NKAIN2: variants seen among roughly 807,000 people sequenced by gnomAD.
The protein encoded by NKAIN2 is sodium/potassium-transporting ATPase subunit beta-1-interacting protein 2.
In NKAIN2, 14 loss-of-function variants were observed where a neutral mutation model predicts 32.6. That is an observed-to-expected ratio of 0.43 (90% confidence interval 0.28 to 0.67). NKAIN2 has a LOEUF of 0.67. Among genes scored for constraint, NKAIN2 ranks in the 30% least tolerant of loss-of-function variants. The pLI, the probability that NKAIN2 is intolerant of heterozygous loss-of-function variation, is 0.17. For synonymous variants in NKAIN2, 80 were observed against 87.2 expected (o/e 0.92, Z 0.46); for missense variants, 198 against 258.3 (o/e 0.77, Z 1.60).
chr6:124,249,344 A>G (rs1793577022), intron 1 of NKAIN2, among the ~76,000 whole-genome samples: 2 of 152,094 alleles, frequency 1.3e-5, no homozygotes, highest in South Asian at 4.1e-4. Flanking sequence ...ATCAAAGGAT[A>G]TCTTTGGTAC....
chr6:124,620,022 G>C (rs1357415362), intron 3 of NKAIN2, among the ~76,000 whole-genome samples: 1 of 152,084 alleles, frequency 6.6e-6, no homozygotes, highest in African/African-American at 2.4e-5. Flanking sequence ...TGTTAAATTA[G>C]TAAATTATGT....
intron 3 of NKAIN2, among the ~76,000 whole-genome samples, chr6:124,425,779 G>T (rs1302581662): frequency 6.6e-6 from 1 of 152,016 alleles, no homozygotes; most frequent in Non-Finnish European, 1.5e-5. Flanking sequence ...TGTTAATGTG[G>T]TTATTACCAA....
intron 3 of NKAIN2, among the ~76,000 whole-genome samples, chr6:124,367,716 C>T (rs1478976676): frequency 6.6e-6 from 1 of 152,018 alleles, no homozygotes; most frequent in Non-Finnish European, 1.5e-5. Context: ...AAGGTGAGTT[C>T]TTGATTTCTG....
chr6:124,296,938 G>C (rs1004342050), intron 2 of NKAIN2, among the ~76,000 whole-genome samples: 2 of 152,060 alleles, frequency 1.3e-5, no homozygotes, highest in African/African-American at 2.4e-5. Context: ...CATGTGTTTT[G>C]GACTAGATCA....
At chr6:124,550,677 T>A (rs978927048) in intron 3 of NKAIN2, among the ~76,000 whole-genome samples, 3 of 152,160 alleles carry the variant, frequency 2.0e-5, no homozygotes, top group Non-Finnish European at 2.9e-5. Flanking sequence ...TATGCAGGAA[T>A]AGTGATGCTT....
chr6:124,210,390 C>A (rs1021770681), intron 1 of NKAIN2, among the ~76,000 whole-genome samples: 1 of 151,800 alleles, frequency 6.6e-6, no homozygotes, highest in African/African-American at 2.4e-5. Context: ...TAGTTTTGTT[C>A]TTTTTGCTCA....
At chr6:124,757,883 C>A (rs1302894653) in intron 4 of NKAIN2, among the ~76,000 whole-genome samples, 1 of 152,108 alleles carries the variant, frequency 6.6e-6, no homozygotes, top group Non-Finnish European at 1.5e-5. Context: ...TAAATTAACT[C>A]CCACTTCAAT....
chr6:124,756,714 CA>C lies in NKAIN2; in HGVS notation c.475-34624del, dbSNP rs567867026. 5.3e-4 allele frequency among the ~76,000 whole-genome samples: 80 copies of C among 152,176 alleles called. No individual in the cohort carries two copies. In the Middle Eastern group the frequency reaches 0.017, roughly 33 times the overall value. ...AAACTAGAAGCAAAATGAAGAAATT[CA>C]TAGTAGAGTGGAAATATATCAGTAA... is the stretch of plus-strand genomic sequence containing the variant. On this transcript the variant is annotated intron_variant, in intron 4 of 6. Coordinates refer to ENST00000368417, the MANE Select transcript of NKAIN2 (RefSeq NM_001040214.3).
intron 1 of NKAIN2, among the ~76,000 whole-genome samples, chr6:123,829,526 C>A (rs529713417): frequency 6.6e-6 from 1 of 152,228 alleles, no homozygotes; most frequent in South Asian, 2.1e-4. Context: ...GAAGTTAATT[C>A]TCAACTTTAC....
chr6:124,233,295 T>C (rs1328364394), intron 1 of NKAIN2, among the ~76,000 whole-genome samples: 1 of 152,188 alleles, frequency 6.6e-6, no homozygotes, highest in Non-Finnish European at 1.5e-5. Flanking sequence ...AAACCATAAT[T>C]ATATTCTATC....
At chr6:124,409,544 C>T (rs1268943692) in intron 3 of NKAIN2, among the ~76,000 whole-genome samples, 1 of 152,066 alleles carries the variant, frequency 6.6e-6, no homozygotes, top group East Asian at 1.9e-4. Context: ...GGGATGAAGC[C>T]CACTTGATCA....
At position 124,229,025 on chromosome 6, in the gene NKAIN2, A is replaced by G. The variant is rs879572298; in HGVS notation, c.55-53980A>G. ...CTGTTAGTCAACTAATAAATATGGC[A>G]CAATTGAAGGTGTGTTTCTAAGTCA... On this transcript the variant is annotated intron_variant, in intron 1 of 6. Transcript: ENST00000368417. Among the ~76,000 whole-genome samples, 31 of 152,294 alleles carry G rather than the reference A, an allele frequency of 2.0e-4. No individual in the cohort carries two copies. In the Middle Eastern group the frequency reaches 0.01, roughly 50 times the overall value.
At chr6:124,087,590 G>A (rs932901637) in intron 1 of NKAIN2, among the ~76,000 whole-genome samples, 24 of 152,150 alleles carry the variant, frequency 1.6e-4, no homozygotes, top group African/African-American at 5.3e-4. Context: ...TATAATGGTA[G>A]ATATACATGT....
intron 3 of NKAIN2, among the ~76,000 whole-genome samples, chr6:124,654,922 T>C (rs943036892): frequency 1.5e-4 from 23 of 152,036 alleles, no homozygotes; most frequent in Admixed American, 3.3e-4. Flanking sequence ...TGTGAGAAAA[T>C]AAGTTTCTTC....
intron 2 of NKAIN2, among the ~76,000 whole-genome samples, chr6:124,330,751 G>C (rs767611405): frequency 4.6e-5 from 7 of 152,186 alleles, no homozygotes; most frequent in African/African-American, 7.2e-5. Flanking sequence ...TGGCTTGTTA[G>C]AAATTGGGCC....
At chr6:124,074,110 C>A (rs1783583293) in intron 1 of NKAIN2, among the ~76,000 whole-genome samples, 1 of 152,138 alleles carries the variant, frequency 6.6e-6, no homozygotes, top group Non-Finnish European at 1.5e-5. Flanking sequence ...CACAAACTTT[C>A]AAGAATCATC....
chr6:124,145,378 A>G (rs1787349431), intron 1 of NKAIN2, among the ~76,000 whole-genome samples: 1 of 152,232 alleles, frequency 6.6e-6, no homozygotes, highest in African/African-American at 2.4e-5. Context: ...ATGTTCTTTA[A>G]CAGGTGAATG....
intron 1 of NKAIN2, among the ~76,000 whole-genome samples, chr6:124,104,394 A>T (rs1288637352): frequency 6.6e-6 from 1 of 152,098 alleles, no homozygotes; most frequent in Non-Finnish European, 1.5e-5. Context: ...GTGGTGTAAA[A>T]CTTGAAACGC....
chr6:124,225,941 A>G (rs1198264209), intron 1 of NKAIN2, among the ~76,000 whole-genome samples: 1 of 151,984 alleles, frequency 6.6e-6, no homozygotes. Flanking sequence ...TCATTTTTGC[A>G]AAGGCCATTT....
Sources: gnomAD v4.1 joint callset for allele counts (sites outside exome capture counted in the v4.1 genomes callset) on GRCh38, gnomAD v4.1.1 for gene constraint, MANE v1.5 for transcripts, NCBI Gene and HGNC (gene_info 2026-07-23, HGNC 2026-07-21) for gene names.